GALNTL6: variants seen among roughly 807,000 people sequenced by gnomAD.
The protein encoded by GALNTL6 is polypeptide N-acetylgalactosaminyltransferase like 6, also known as polypeptide N-acetylgalactosaminyltransferase-like 6.
In GALNTL6, 46 loss-of-function variants were observed where a neutral mutation model predicts 73.7. The observed-to-expected ratio is 0.62, with a 90% confidence interval of 0.49 to 0.80. GALNTL6 has a LOEUF of 0.80. Ranked by LOEUF, GALNTL6 falls within the 30% of genes least tolerant of loss-of-function variation. The pLI, the probability that GALNTL6 is intolerant of heterozygous loss-of-function variation, is 0.00. For missense variants in GALNTL6, 604 were observed against 755.0 expected (o/e 0.80, Z 2.34); for synonymous variants, 259 against 263.7 (o/e 0.98, Z 0.17).
chr4:172,365,005 A>G (rs568188354), intron 5 of GALNTL6, among the ~76,000 whole-genome samples: 1 of 152,338 alleles, frequency 6.6e-6, no homozygotes, highest in Admixed American at 6.5e-5. Flanking sequence ...CCCAAAGACT[A>G]GAATATACAA....
chr4:171,856,410 C>A (rs1478182148), intron 2 of GALNTL6, among the ~76,000 whole-genome samples: 1 of 152,054 alleles, frequency 6.6e-6, no homozygotes, highest in African/African-American at 2.4e-5. Flanking sequence ...CCACCCCACC[C>A]TGCTGAGACA....
intron 2 of GALNTL6, among the ~76,000 whole-genome samples, chr4:171,980,652 G>A (rs61492732): frequency 2.6e-5 from 4 of 152,128 alleles, no homozygotes; most frequent in South Asian, 2.1e-4. Flanking sequence ...ACACACAATC[G>A]GAAGCAGTGT....
chr4:172,785,118 T>G (rs549528204), intron 5 of GALNTL6, among the ~76,000 whole-genome samples: 3 of 152,172 alleles, frequency 2.0e-5, no homozygotes, highest in Non-Finnish European at 2.9e-5. Context: ...CTGAGAGTTA[T>G]ATCCTTCTTA....
At chr4:172,621,841 C>G (rs1481106661) in intron 5 of GALNTL6, among the ~76,000 whole-genome samples, 1 of 152,092 alleles carries the variant, frequency 6.6e-6, no homozygotes, top group Non-Finnish European at 1.5e-5. Flanking sequence ...TTCTTTGTAG[C>G]TAATGTTTTT....
chr4:172,168,723 G>A (rs1457852176), intron 2 of GALNTL6, among the ~76,000 whole-genome samples: 4 of 152,010 alleles, frequency 2.6e-5, no homozygotes, highest in Admixed American at 1.3e-4. Context: ...TGATGGTGAC[G>A]GTCAAGAAGA....
chr4:172,217,796 G>C (rs949004320), intron 2 of GALNTL6, among the ~76,000 whole-genome samples: 4 of 152,082 alleles, frequency 2.6e-5, no homozygotes, highest in Admixed American at 2.6e-4. Flanking sequence ...AGACTGTTAG[G>C]ATATATCAGG....
chr4:172,716,410 A>G lies in GALNTL6; in HGVS notation c.554-92951A>G, dbSNP rs980768576. Among the ~76,000 whole-genome samples, 6 of 152,290 alleles carry G rather than the reference A, an allele frequency of 3.9e-5. No homozygotes were observed. The East Asian group carries it at 7.7e-4, about 20-fold the overall frequency. On this transcript the variant is annotated intron_variant, in intron 5 of 12. Coordinates refer to ENST00000506823, the MANE Select transcript of GALNTL6 (RefSeq NM_001034845.3). ...AGTAGTTCAGCTGATAGGTTTTATA[A>G]TAAGGCTCTCAATGAAGGAAAGAGT...
intron 5 of GALNTL6, among the ~76,000 whole-genome samples, chr4:172,564,369 A>G (rs183597559): frequency 5.4e-4 from 82 of 152,328 alleles, no homozygotes; most frequent in African/African-American, 1.8e-3. Flanking sequence ...TCTAGTGGGA[A>G]AAAGATTCCT....
chr4:172,006,536 A>G (rs1740848295), intron 2 of GALNTL6, among the ~76,000 whole-genome samples: 1 of 152,084 alleles, frequency 6.6e-6, no homozygotes, highest in African/African-American at 2.4e-5. Flanking sequence ...CTGAGGTTGG[A>G]AGATTGCTTG....
At chr4:171,881,402 G>T (rs1260123000) in intron 2 of GALNTL6, among the ~76,000 whole-genome samples, 1 of 152,128 alleles carries the variant, frequency 6.6e-6, no homozygotes, top group African/African-American at 2.4e-5. Flanking sequence ...GGGGCCCAGT[G>T]GGAGGTGATT....
intron 5 of GALNTL6, among the ~76,000 whole-genome samples, chr4:172,646,101 C>T (rs1579284115): frequency 6.6e-6 from 1 of 152,060 alleles, no homozygotes. Flanking sequence ...TCTTAATTAC[C>T]ATAGCTGTAT....
chr4:172,294,723 T>A (rs1739603215), intron 3 of GALNTL6, among the ~76,000 whole-genome samples: 1 of 152,220 alleles, frequency 6.6e-6, no homozygotes, highest in African/African-American at 2.4e-5. Flanking sequence ...TAATGGTGAA[T>A]GAAACTAAAT....
intron 2 of GALNTL6, among the ~76,000 whole-genome samples, chr4:172,153,935 G>T (rs2110768013): frequency 6.6e-6 from 1 of 152,310 alleles, no homozygotes; most frequent in East Asian, 1.9e-4. Flanking sequence ...GGCTGAGGCT[G>T]CCCGGGAACA....
intron 2 of GALNTL6, among the ~76,000 whole-genome samples, chr4:171,967,779 A>G (rs1739433772): frequency 2.0e-5 from 3 of 152,202 alleles, no homozygotes; most frequent in Admixed American, 6.5e-5. Flanking sequence ...TAACAAAAGA[A>G]TAACAAATGA....
chr4:172,857,753 G>A (rs1163183763), intron 7 of GALNTL6, among the ~76,000 whole-genome samples: 2 of 152,134 alleles, frequency 1.3e-5, no homozygotes, highest in African/African-American at 2.4e-5. Flanking sequence ...TGGGATAAAA[G>A]CAATTCTCTG....
At chr4:172,988,255 TCACTCTTG>T (rs1751385410) in intron 10 of GALNTL6, among the ~76,000 whole-genome samples, 1 of 152,176 alleles carries the variant, frequency 6.6e-6, no homozygotes, top group Admixed American at 6.5e-5. Flanking sequence ...GGACTAAAGG[TCACTCTTG>T]CTGTCCTTTA....
intron 3 of GALNTL6, among the ~76,000 whole-genome samples, chr4:172,242,443 C>G (rs1030705503): frequency 3.9e-5 from 6 of 151,916 alleles, no homozygotes; most frequent in Admixed American, 3.3e-4. Context: ...TATTTTAACT[C>G]AAAATATTGT....
At chr4:172,359,828 G>T (rs1444559200) in intron 5 of GALNTL6, among the ~76,000 whole-genome samples, 1 of 152,118 alleles carries the variant, frequency 6.6e-6, no homozygotes, top group East Asian at 1.9e-4. Context: ...CTACTTCTCT[G>T]TGAAAGGTGA....
chr4:172,609,400 T>C (rs901826821), intron 5 of GALNTL6, among the ~76,000 whole-genome samples: 1 of 152,158 alleles, frequency 6.6e-6, no homozygotes, highest in South Asian at 2.1e-4. Flanking sequence ...ATTGAGATAA[T>C]CATGTGGTTT....
Sources: allele counts gnomAD v4.1 joint callset (sites outside exome capture counted in the v4.1 genomes callset), GRCh38; gene constraint gnomAD v4.1.1; transcripts MANE v1.5; gene names NCBI Gene and HGNC (gene_info 2026-07-23, HGNC 2026-07-21).